Variants in COL25A1 observed in about 807,000 individuals in gnomAD.
COL25A1 encodes the protein collagen alpha-1(XXV) chain.
A neutral mutation model predicts 128.4 loss-of-function variants in COL25A1; 103 were observed. The observed-to-expected ratio is 0.80, with a 90% CI of 0.68 to 0.94. COL25A1 has a LOEUF of 0.94. COL25A1 is among the 40% of genes least tolerant of loss of function. COL25A1 has a pLI of 0.00. For missense variants in COL25A1, 745 were observed against 840.0 expected (o/e 0.89, Z 1.40); for synonymous variants, 279 against 277.2 (o/e 1.01, Z -0.06).
At chr4:109,061,927 A>T (rs1288299927) in intron 3 of COL25A1, among the ~76,000 whole-genome samples, 1 of 152,236 alleles carries the variant, frequency 6.6e-6, no homozygotes, top group Non-Finnish European at 1.5e-5. Flanking sequence ...ATGAAACTAC[A>T]GACGGGCCAA....
intron 3 of COL25A1, among the ~76,000 whole-genome samples, chr4:109,196,673 T>C (rs1340938772): frequency 6.6e-6 from 1 of 152,202 alleles, no homozygotes; most frequent in Non-Finnish European, 1.5e-5. Flanking sequence ...CATTCTTCTG[T>C]GTGTTCAGAA....
chr4:108,881,057 T>C (rs1740057918), intron 19 of COL25A1, among the ~76,000 whole-genome samples: 1 of 152,216 alleles, frequency 6.6e-6, no homozygotes, highest in Non-Finnish European at 1.5e-5. Context: ...CGTGACACTA[T>C]ATGAACCATG....
At chr4:108,881,055 T>C (rs1437330585) in intron 19 of COL25A1, among the ~76,000 whole-genome samples, 2 of 152,194 alleles carry the variant, frequency 1.3e-5, no homozygotes, top group African/African-American at 2.4e-5. Flanking sequence ...ATCGTGACAC[T>C]ATATGAACCA....
At chr4:108,931,445 A>C (rs1746723913) in intron 11 of COL25A1, among the ~76,000 whole-genome samples, 1 of 152,188 alleles carries the variant, frequency 6.6e-6, no homozygotes. Context: ...AAACAAAATT[A>C]AGTAATGAGA....
At chr4:108,974,236 G>A (rs1752207146) in intron 8 of COL25A1, 131 bp downstream of exon 8, 2 of 836,884 alleles carry the variant, frequency 2.4e-6, no homozygotes, top group South Asian at 1.6e-5. Context: ...ACTTACAAGT[G>A]GTATGGTATT....
At chr4:109,083,931 ATT>A (rs1263314117) in intron 3 of COL25A1, among the ~76,000 whole-genome samples, 1 of 152,146 alleles carries the variant, frequency 6.6e-6, no homozygotes, top group Non-Finnish European at 1.5e-5. Flanking sequence ...TCTATCCTGC[ATT>A]TTTATCTATC....
chr4:109,069,162 C>T (rs985529882), intron 3 of COL25A1, among the ~76,000 whole-genome samples: 9 of 149,572 alleles, frequency 6.0e-5, no homozygotes, highest in African/African-American at 2.2e-4. Context: ...AAAACTCTTG[C>T]AGACTTGCCA....
chr4:108,889,234 C>A lies in COL25A1; in HGVS notation c.962G>T (p.Arg321Leu). 3 of 1,613,498 alleles carry A rather than the reference C, an allele frequency of 1.9e-6. No homozygotes were observed. The highest frequency in any genetic ancestry group is 2.5e-6 in the Non-Finnish European group (3 of 1,179,536). Reference sequence around the variant, plus strand: ...TAGAGATATTACCTTTTGCCCTGGACGACCAGATTCCCCAGGTTCTCCCTG... The same window carrying A: ...TAGAGATATTACCTTTTGCCCTGGAAGACCAGATTCCCCAGGTTCTCCCTG... ...GIKGEPGESG[R>L]PGQKGEPGLP... The change falls in exon 18 of 38, where the codon CGT (arginine) becomes CTT (leucine). Residue 321 changes from arginine to leucine, a missense_variant. Physicochemically the swap from Arg to Leu is moderately radical, Grantham distance 102. Coordinates refer to ENST00000399132, the MANE Select transcript of COL25A1 (RefSeq NM_198721.4).
At chr4:109,061,199 C>G (rs1264303556) in intron 3 of COL25A1, among the ~76,000 whole-genome samples, 1 of 152,150 alleles carries the variant, frequency 6.6e-6, no homozygotes, top group Non-Finnish European at 1.5e-5. Flanking sequence ...AATCTAATTT[C>G]TAGAAGACAT....
chr4:109,160,704 T>C (rs1326495877), intron 3 of COL25A1, among the ~76,000 whole-genome samples: 1 of 152,190 alleles, frequency 6.6e-6, no homozygotes, highest in African/African-American at 2.4e-5. Context: ...CAGGAAGAGC[T>C]CTATGACCCA....
At chr4:108,845,119 A>G in intron 29 of COL25A1, 70 bp downstream of exon 29, 1 of 1,286,550 alleles carries the variant, frequency 7.8e-7, no homozygotes. Flanking sequence ...GCAGAGGTGG[A>G]ATAGGTAAGT....
intron 30 of COL25A1, among the ~76,000 whole-genome samples, chr4:108,843,786 G>A (rs1177240482): frequency 6.6e-6 from 1 of 151,990 alleles, no homozygotes; most frequent in East Asian, 1.9e-4. Context: ...TGGATATAGT[G>A]TGATATTTTG....
intron 3 of COL25A1, among the ~76,000 whole-genome samples, chr4:109,149,961 C>T (rs147397009): frequency 1.4e-5 from 2 of 140,928 alleles, no homozygotes; most frequent in Non-Finnish European, 3.2e-5. Flanking sequence ...TGTGTGTGTA[C>T]CTGTGTGTAT....
At chr4:109,099,239 C>T (rs2126019629) in intron 3 of COL25A1, among the ~76,000 whole-genome samples, 1 of 152,084 alleles carries the variant, frequency 6.6e-6, no homozygotes, top group East Asian at 1.9e-4. Context: ...GATTGCCTTG[C>T]TTGGGAAAAG....
At chr4:109,301,052 CAAATAGG>C (rs1725470927) in intron 2 of COL25A1, among the ~76,000 whole-genome samples, 1 of 152,068 alleles carries the variant, frequency 6.6e-6, no homozygotes, top group African/African-American at 2.4e-5. Context: ...CAACTACTGC[CAAATAGG>C]CTCCCGGCTA....
At chr4:109,179,565 T>C (rs1318427633) in intron 3 of COL25A1, among the ~76,000 whole-genome samples, 4 of 152,226 alleles carry the variant, frequency 2.6e-5, no homozygotes, top group Admixed American at 6.5e-5. Flanking sequence ...TCTCAATTTG[T>C]TTTAAAAATC....
intron 37 of COL25A1, among the ~76,000 whole-genome samples, chr4:108,815,869 C>T (rs560179342): frequency 2.6e-5 from 4 of 152,236 alleles, no homozygotes; most frequent in South Asian, 4.1e-4. Flanking sequence ...TGGCTAAGAA[C>T]GATTGCGAAC....
intron 8 of COL25A1, among the ~76,000 whole-genome samples, chr4:108,962,211 G>A (rs1243281216): frequency 2.0e-5 from 3 of 147,464 alleles, no homozygotes; most frequent in African/African-American, 5.0e-5. Flanking sequence ...TTTTTGAGAC[G>A]GAGTCTCGCT....
At chr4:109,105,863 G>T (rs369174866) in intron 3 of COL25A1, among the ~76,000 whole-genome samples, 1 of 152,246 alleles carries the variant, frequency 6.6e-6, no homozygotes, top group Non-Finnish European at 1.5e-5. Flanking sequence ...CTTCTTTTAT[G>T]AAACCGATCA....
Sources: gnomAD v4.1 joint callset for allele counts (sites outside exome capture counted in the v4.1 genomes callset) on GRCh38, gnomAD v4.1.1 for gene constraint, MANE v1.5 for transcripts, NCBI Gene and HGNC (gene_info 2026-07-23, HGNC 2026-07-21) for gene names.